TBC1D32: variants seen among roughly 807,000 people sequenced by gnomAD.
TBC1D32 encodes protein broad-minded.
TBC1D32 carries 151 observed loss-of-function variants against 170.3 expected under a neutral mutation model. That is an observed-to-expected ratio of 0.89 (90% CI 0.78 to 1.01). TBC1D32 has a LOEUF of 1.01. Among genes scored for constraint, TBC1D32 ranks in the 50% least tolerant of loss-of-function variants. The probability of loss-of-function intolerance (pLI) is 0.00; values close to 1 mark genes in which losing one functional copy is unlikely to be tolerated. For missense variants in TBC1D32, 1,464 were observed against 1,457.1 expected (o/e 1.00, Z -0.08); for synonymous variants, 498 against 488.0 (o/e 1.02, Z -0.27).
At chr6:121,274,385 T>C (rs1246450577) in intron 15 of TBC1D32, among the ~76,000 whole-genome samples, 1 of 146,164 alleles carries the variant, frequency 6.8e-6, no homozygotes, top group Non-Finnish European at 1.5e-5. Flanking sequence ...ACAACTTAAA[T>C]GAAAAATTCA....
chr6:121,137,918 A>C (rs548319288), intron 24 of TBC1D32, among the ~76,000 whole-genome samples: 53 of 152,074 alleles, frequency 3.5e-4, no homozygotes, highest in Non-Finnish European at 6.6e-4. Context: ...GACATTTCTA[A>C]AGGGAGAAAA....
intron 12 of TBC1D32, among the ~76,000 whole-genome samples, chr6:121,291,256 T>C (rs1804822988): frequency 1.3e-5 from 2 of 152,016 alleles, no homozygotes; most frequent in South Asian, 4.2e-4. Flanking sequence ...CTAGGAACAA[T>C]AGGAAATCTA....
chr6:121,094,088 G>A (rs1027994131), intron 30 of TBC1D32, among the ~76,000 whole-genome samples: 3 of 151,828 alleles, frequency 2.0e-5, no homozygotes, highest in African/African-American at 7.3e-5. Flanking sequence ...GACTTACATT[G>A]AAACAGCAGA....
At chr6:121,092,293 GTTTTTTTTTTTTTTTTT>G (rs1160372863) in intron 30 of TBC1D32, among the ~76,000 whole-genome samples, 9 of 50,404 alleles carry the variant, frequency 1.8e-4, no homozygotes, top group Admixed American at 3.0e-4. Context: ...TCAGTTTTAT[GTTTTTTTTTTTTTTTTT>G]TTTTTTTTTT....
In TBC1D32 at chr6:121,093,788, C is replaced by A. The variant is rs548133777; in HGVS notation, c.3466-2747G>T. Among the ~76,000 whole-genome samples the A allele has an allele frequency of 2.6e-5, 4 of 152,162 alleles. No individual in the cohort carries two copies. The South Asian group carries it at 8.3e-4, about 32-fold the overall frequency. On this transcript the variant is annotated intron_variant, in intron 30 of 31. Coordinates refer to ENST00000398212, the MANE Select transcript of TBC1D32 (RefSeq NM_152730.6). ...ATATAATACCTATATTTTTCCATCA[C>A]ATGGGAGGGAAATTTCGAGGAGGAA...
Position 121,160,071 on chromosome 6 carries a change from T to C in TBC1D32, c.2712A>G (p.Ser904=). ...GATAGCAGTTTGGCAATGGATATGATGAAAACATTGGCCAAGGATATGGAT... is the reference window on the plus strand; with the variant it reads ...GATAGCAGTTTGGCAATGGATATGACGAAAACATTGGCCAAGGATATGGAT... ...SDNPYPWPMF[S]SYPLPNCYLS... is the part of the protein sequence containing the mutation. The change falls in exon 24 of 32, where the codon TCA becomes TCG. Residue 904 remains serine (S), a synonymous_variant. Transcript: ENST00000398212. The C allele has an allele frequency of 1.2e-6, 2 of 1,608,024 alleles. No individual in the cohort carries two copies. The highest frequency in any genetic ancestry group is 1.7e-5 in the Admixed American group (1 of 59,976).
At chr6:121,264,745 G>C (rs970490927) in intron 15 of TBC1D32, among the ~76,000 whole-genome samples, 2 of 152,154 alleles carry the variant, frequency 1.3e-5, no homozygotes, top group African/African-American at 4.8e-5. Context: ...TCCCTGGGAT[G>C]CAAGGCTGGT....
intron 22 of TBC1D32, among the ~76,000 whole-genome samples, chr6:121,177,858 A>G (rs541744650): frequency 1.1e-4 from 16 of 152,302 alleles, no homozygotes; most frequent in African/African-American, 3.6e-4. Flanking sequence ...AGCATTTCAG[A>G]TAAGGATACT....
intron 22 of TBC1D32, among the ~76,000 whole-genome samples, chr6:121,188,432 A>G (rs1225035291): frequency 1.3e-5 from 2 of 152,168 alleles, no homozygotes; most frequent in Non-Finnish European, 2.9e-5. Flanking sequence ...TTATACAGAC[A>G]TTATAATGGA....
intron 22 of TBC1D32, among the ~76,000 whole-genome samples, chr6:121,177,300 T>A (rs974548803): frequency 2.0e-5 from 3 of 152,218 alleles, no homozygotes; most frequent in East Asian, 1.9e-4. Context: ...TGATAGTGAA[T>A]GAGTTCTCAT....
At chr6:121,266,992 T>A (rs1800591531) in intron 15 of TBC1D32, among the ~76,000 whole-genome samples, 2 of 150,770 alleles carry the variant, frequency 1.3e-5, no homozygotes, top group Non-Finnish European at 2.9e-5. Flanking sequence ...GAGGTTGATA[T>A]GTGCAGCAAA....
chr6:121,247,423 G>A (rs1797747912), intron 17 of TBC1D32, among the ~76,000 whole-genome samples: 1 of 150,056 alleles, frequency 6.7e-6, no homozygotes. Context: ...AAAAAAAAAA[G>A]TATCAAGGCA....
At chr6:121,084,766 C>T (rs1198090791) in intron 31 of TBC1D32, among the ~76,000 whole-genome samples, 2 of 151,990 alleles carry the variant, frequency 1.3e-5, no homozygotes, top group Non-Finnish European at 2.9e-5. Flanking sequence ...AGGCCTTTTG[C>T]AGTAGTAAAC....
intron 22 of TBC1D32, among the ~76,000 whole-genome samples, chr6:121,186,661 ATCTC>A (rs1789246904): frequency 6.6e-6 from 1 of 152,026 alleles, no homozygotes; most frequent in African/African-American, 2.4e-5. Context: ...CTTTTTCTCC[ATCTC>A]TCTCCTGCTT....
intron 20 of TBC1D32, among the ~76,000 whole-genome samples, chr6:121,238,815 G>A (rs1796617682): frequency 6.6e-6 from 1 of 151,684 alleles, no homozygotes; most frequent in Non-Finnish European, 1.5e-5. Flanking sequence ...TCTTCATTAA[G>A]GGAGAAAAAC....
At chr6:121,100,365 T>G (rs1012694821) in intron 30 of TBC1D32, among the ~76,000 whole-genome samples, 1 of 151,898 alleles carries the variant, frequency 6.6e-6, no homozygotes, top group Non-Finnish European at 1.5e-5. Flanking sequence ...TTGACAGTGG[T>G]GTGTTAAAGT....
chr6:121,134,212 C>T (rs906078169), intron 24 of TBC1D32, among the ~76,000 whole-genome samples: 6 of 152,102 alleles, frequency 3.9e-5, no homozygotes, highest in Admixed American at 3.3e-4. Context: ...TTCTTCTACT[C>T]ATGTGTAACT....
At chr6:121,267,962 T>C (rs1237596859) in intron 15 of TBC1D32, among the ~76,000 whole-genome samples, 1 of 152,180 alleles carries the variant, frequency 6.6e-6, no homozygotes, top group African/African-American at 2.4e-5. Context: ...TTTGCTGTTC[T>C]GCAGCCTCCA....
At chr6:121,292,010 C>T in intron 12 of TBC1D32, 43 bp downstream of exon 12, 2 of 1,508,618 alleles carry the variant, frequency 1.3e-6, no homozygotes, top group Non-Finnish European at 1.8e-6. Context: ...ATATATAAAT[C>T]TTAGCATATC....
Sources: allele counts gnomAD v4.1 joint callset (sites outside exome capture counted in the v4.1 genomes callset), GRCh38; gene constraint gnomAD v4.1.1; transcripts MANE v1.5; gene names NCBI Gene and HGNC (gene_info 2026-07-23, HGNC 2026-07-21).